ZNF76: variants seen among roughly 807,000 people sequenced by gnomAD.
ZNF76 encodes the protein zinc finger protein 523.
ZNF76 carries 66 observed loss-of-function variants against 66.9 expected under a neutral mutation model. That is an observed-to-expected ratio of 0.99 (90% CI 0.81 to 1.21). The LOEUF is 1.21. Among genes scored for constraint, ZNF76 ranks in the 50% most tolerant of loss-of-function variants. ZNF76 has a pLI of 0.00. For missense variants in ZNF76, 729 were observed against 760.3 expected (o/e 0.96, Z 0.48); for synonymous variants, 275 against 296.1 (o/e 0.93, Z 0.73).
intron 11 of ZNF76, among the ~76,000 whole-genome samples, chr6:35,293,409 A>G (rs1790729458): frequency 6.6e-6 from 1 of 152,200 alleles, no homozygotes; most frequent in Non-Finnish European, 1.5e-5. Context: ...CTACTAGTGT[A>G]CTAGCTAGCT....
In ZNF76 at chr6:35,295,232, C is replaced by T. The variant is rs73745177; in HGVS notation, c.1697C>T (p.Ser566Leu). The change falls in exon 14 of 14, where the codon TCG becomes TTG. Residue 566 changes from serine (S) to leucine (L), a missense_variant. Ser to Leu is a moderately radical substitution (Grantham distance 145, BLOSUM62 -2). Coordinates refer to ENST00000373953, the MANE Select transcript of ZNF76 (RefSeq NM_003427.5). ...QGAVTLETTV[S>L]ESGC Reference sequence around the variant, plus strand: ...GCTGTGACCCTGGAGACAACAGTGTCGGAGAGTGGCTGCTGAGTCCAAGAG... The same window carrying T: ...GCTGTGACCCTGGAGACAACAGTGTTGGAGAGTGGCTGCTGAGTCCAAGAG... 2,058 of 1,606,776 alleles carry T rather than the reference C, an allele frequency of 1.3e-3. 16 individuals carry two copies. The African/African-American group carries it at 0.017, about 13-fold the overall frequency.
rs774768336 is a variant in ZNF76, at chr6:35,290,650, C to T, written c.559C>T (p.Arg187Ter). The part of the protein sequence containing the change: ...TTAHHLKVHE[R>*]AHTGDRPYRC... The stretch of plus-strand genomic sequence containing the variant: ...TTGCTTGTCCTCACAGGTGCATGAA[C>T]GAGCTCATACAGGTGACCGTCCATA... The change falls in exon 7 of 14, where the codon CGA (arginine) becomes TGA (stop). Residue 187 changes from arginine to a stop codon, truncating the protein, a stop_gained. Transcript: ENST00000373953. LOFTEE classifies it high-confidence loss of function. 1.2e-5 allele frequency: 19 copies of T among 1,614,076 alleles called. No individual in the cohort carries two copies. The highest frequency in any genetic ancestry group is 5.5e-5 in the South Asian group (5 of 91,088).
intron 1 of ZNF76, among the ~76,000 whole-genome samples, chr6:35,268,018 A>G (rs1301375827): frequency 1.3e-5 from 2 of 152,236 alleles, no homozygotes; most frequent in East Asian, 3.8e-4. Context: ...CAGGAGTTCA[A>G]CTTAGATATT....
intron 1 of ZNF76, among the ~76,000 whole-genome samples, chr6:35,266,656 TG>T (rs1355438514): frequency 3.9e-5 from 6 of 152,138 alleles, no homozygotes; most frequent in Non-Finnish European, 7.4e-5. Context: ...CAGCGGAGTA[TG>T]GGAAGAACAC....
At chr6:35,277,955 G>T (rs1562104396) in intron 1 of ZNF76, among the ~76,000 whole-genome samples, 1 of 152,114 alleles carries the variant, frequency 6.6e-6, no homozygotes, top group Non-Finnish European at 1.5e-5. Context: ...CGCCTCCCAG[G>T]TTTATGCCAT....
chr6:35,276,457 C>G (rs901378357), intron 1 of ZNF76, among the ~76,000 whole-genome samples: 2 of 152,214 alleles, frequency 1.3e-5, no homozygotes, highest in Admixed American at 6.5e-5. Flanking sequence ...TATGTGCCCT[C>G]ATTTAATCCC....
At chr6:35,294,996 G>A (rs1790977040) in intron 13 of ZNF76, 148 bp from the exon 14 acceptor site, 2 of 625,742 alleles carry the variant, frequency 3.2e-6, no homozygotes, top group Admixed American at 2.9e-5. Flanking sequence ...TGAACTTCAT[G>A]TTTATTGGAG....
At chr6:35,281,506 A>C (rs1031598307) in intron 2 of ZNF76, among the ~76,000 whole-genome samples, 1 of 152,222 alleles carries the variant, frequency 6.6e-6, no homozygotes, top group Non-Finnish European at 1.5e-5. Flanking sequence ...TGGAATGAAC[A>C]CAGTGTTAGT....
chr6:35,276,938 G>A (rs1787991707), intron 1 of ZNF76, among the ~76,000 whole-genome samples: 1 of 149,026 alleles, frequency 6.7e-6, no homozygotes. Context: ...CTAGGCATGT[G>A]CTACCACACC....
intron 1 of ZNF76, among the ~76,000 whole-genome samples, chr6:35,276,955 A>G (rs1582094920): frequency 2.0e-5 from 2 of 98,268 alleles, no homozygotes; most frequent in East Asian, 5.1e-4. Flanking sequence ...CACCTGGCTA[A>G]TTTTTGTATT....
At chr6:35,263,892 A>G (rs1785604853) in intron 1 of ZNF76, among the ~76,000 whole-genome samples, 2 of 152,152 alleles carry the variant, frequency 1.3e-5, no homozygotes, top group Admixed American at 1.3e-4. Context: ...CTGGTGTTAC[A>G]GGCGCCTGCA....
chr6:35,275,049 C>T (rs1233508723), intron 1 of ZNF76, among the ~76,000 whole-genome samples: 11 of 151,552 alleles, frequency 7.3e-5, no homozygotes, highest in Admixed American at 2.6e-4. Context: ...CAGCTGCTCA[C>T]GAGGCTGAGG....
intron 1 of ZNF76, among the ~76,000 whole-genome samples, chr6:35,275,432 A>G (rs1276738764): frequency 6.6e-6 from 1 of 152,150 alleles, no homozygotes; most frequent in Non-Finnish European, 1.5e-5. Context: ...ACTCACACAT[A>G]GCCATCCTGA....
Position 35,295,405 on chromosome 6 carries a change from TG to T in ZNF76, c.*162del, listed in dbSNP as rs1368108242. 1.4e-6 allele frequency: 1 copy of T among 702,580 alleles called. No homozygotes were observed. Among genetic ancestry groups the T allele is most frequent in the Non-Finnish European group, 2.6e-6 (1 of 391,814 alleles). 43.5% of individuals were successfully genotyped at this position (702,580 alleles called of 1,614,324 possible). ...AAGAAAACTGCCTAACTGAAGGGAA[TG>T]GGGGCCCTGCTCAAGAAGGGGGCCA... On this transcript the variant is annotated 3_prime_UTR_variant, in exon 14 of 14. Transcript: ENST00000373953.
chr6:35,281,039 A>T lies in ZNF76; in HGVS notation c.-96-17A>T, dbSNP rs1160806918. The T allele has an allele frequency of 2.0e-5, 21 of 1,035,240 alleles. No homozygotes were observed. Among genetic ancestry groups the T allele is most frequent in the Non-Finnish European group, 3.0e-5 (20 of 657,840 alleles). 64.1% of individuals were successfully genotyped at this position (1,035,240 alleles called of 1,614,324 possible). ...AAAGCTGGTTAACTCATAATGTGAT[A>T]CTGTTTATTTTCTTAGATTTGTGAC... On this transcript the variant is annotated splice_polypyrimidine_tract_variant and intron_variant, in intron 1 of 13. Coordinates refer to ENST00000373953, the MANE Select transcript of ZNF76 (RefSeq NM_003427.5).
In ZNF76 at chr6:35,287,976, G is replaced by A; in HGVS notation, c.432+131G>A. 1 of 1,074,614 alleles carries A rather than the reference G, an allele frequency of 9.3e-7. No homozygotes were observed. Among genetic ancestry groups the A allele is most frequent in the South Asian group, 1.3e-5 (1 of 74,248 alleles). 66.6% of individuals were successfully genotyped at this position (1,074,614 alleles called of 1,614,324 possible). ...CAGCCCTGTGCTTGGGCACCATGTG[G>A]GATATTCCCTTTGCCCCTCCACCCC... is the stretch of plus-strand genomic sequence containing the variant. On this transcript the variant is annotated intron_variant, in intron 5 of 13. Coordinates refer to ENST00000373953, the MANE Select transcript of ZNF76 (RefSeq NM_003427.5). This position sits in a 1 kb window ranked among gnomAD's most constrained non-coding sequence, Gnocchi z 4.0.
chr6:35,285,052 C>T (rs573234118), intron 2 of ZNF76, among the ~76,000 whole-genome samples: 15 of 152,346 alleles, frequency 9.8e-5, no homozygotes, highest in African/African-American at 3.1e-4. Flanking sequence ...TTTCTCATTT[C>T]TCTTCTTCCT....
At chr6:35,290,995 C>T (rs921515776) in intron 7 of ZNF76, 15 of 593,654 alleles carry the variant, frequency 2.5e-5, no homozygotes, top group Non-Finnish European at 3.9e-5. Context: ...TGGGCCATTG[C>T]ATCTCTCTGG....
At chr6:35,285,154 G>C (rs1320741592) in intron 2 of ZNF76, among the ~76,000 whole-genome samples, 1 of 152,208 alleles carries the variant, frequency 6.6e-6, no homozygotes, top group Non-Finnish European at 1.5e-5. Flanking sequence ...TAAGGTAAAG[G>C]AAGAGTAATA....
Sources: gnomAD v4.1 joint callset for allele counts (sites outside exome capture counted in the v4.1 genomes callset) on GRCh38, gnomAD v4.1.1 for gene constraint, Gnocchi (gnomAD v3.1) non-coding constraint, MANE v1.5 for transcripts, NCBI Gene and HGNC (gene_info 2026-07-23, HGNC 2026-07-21) for gene names.